The following HOMER1 variants were observed in gnomAD, a reference collection of about 807,000 sequenced individuals.
The protein encoded by HOMER1 is homer scaffold protein 1, also known as homer protein homolog 1.
In HOMER1, 3 loss-of-function variants were observed where a neutral mutation model predicts 48.9. The ratio of observed to expected loss-of-function variants is 0.06; its 90% CI spans 0.03 to 0.16. The LOEUF is 0.16. Among genes scored for constraint, HOMER1 ranks in the 10% least tolerant of loss-of-function variants. HOMER1 has a pLI of 1.00. For missense variants in HOMER1, 247 were observed against 411.4 expected (o/e 0.60, Z 3.46); for synonymous variants, 134 against 146.4 (o/e 0.92, Z 0.61).
At chr5:79,400,934 ATTTT>A (rs746813087) in intron 6 of HOMER1, among the ~76,000 whole-genome samples, 1 of 115,114 alleles carries the variant, frequency 8.7e-6, no homozygotes, top group South Asian at 3.0e-4. Flanking sequence ...AAGAAAAAAG[ATTTT>A]TTTTTTTTTT....
At chr5:79,408,845 G>A (rs1471991566) in intron 5 of HOMER1, among the ~76,000 whole-genome samples, 4 of 152,116 alleles carry the variant, frequency 2.6e-5, no homozygotes, top group Non-Finnish European at 5.9e-5. Flanking sequence ...CACTTTGGGA[G>A]GCCAACATGA....
At chr5:79,387,747 T>C (rs1013582573) in intron 8 of HOMER1, among the ~76,000 whole-genome samples, 1 of 152,166 alleles carries the variant, frequency 6.6e-6, no homozygotes, top group Admixed American at 6.5e-5. Context: ...ACTCTGGCTA[T>C]AAAGAGGTAA....
intron 1 of HOMER1, among the ~76,000 whole-genome samples, chr5:79,501,252 T>G (rs530274036): frequency 6.6e-6 from 1 of 152,322 alleles, no homozygotes; most frequent in East Asian, 1.9e-4. Flanking sequence ...ATTACAGGCG[T>G]GAGCCACCAC....
chr5:79,392,210 TA>T (rs1286864869), intron 8 of HOMER1, among the ~76,000 whole-genome samples: 1 of 152,170 alleles, frequency 6.6e-6, no homozygotes, highest in Non-Finnish European at 1.5e-5. Context: ...TCTACTTATT[TA>T]AAAAAACATT....
intron 5 of HOMER1, among the ~76,000 whole-genome samples, chr5:79,411,861 G>A (rs1749822063): frequency 6.6e-6 from 1 of 152,186 alleles, no homozygotes; most frequent in Non-Finnish European, 1.5e-5. Context: ...GCTCATGCCT[G>A]TAATCCCAGC....
At chr5:79,377,700 A>G (rs1056417624) in intron 8 of HOMER1, among the ~76,000 whole-genome samples, 3 of 152,324 alleles carry the variant, frequency 2.0e-5, no homozygotes, top group Middle Eastern at 3.4e-3. Context: ...CTGAAAGACA[A>G]TCTGGTAAAT....
intron 1 of HOMER1, among the ~76,000 whole-genome samples, chr5:79,466,206 A>G (rs762467647): frequency 6.6e-6 from 1 of 152,024 alleles, no homozygotes; most frequent in Non-Finnish European, 1.5e-5. Flanking sequence ...AGTATGCCTG[A>G]TAGATCACAT....
At chr5:79,393,583 G>T (rs2112209417) in intron 8 of HOMER1, among the ~76,000 whole-genome samples, 1 of 152,214 alleles carries the variant, frequency 6.6e-6, no homozygotes, top group South Asian at 2.1e-4. Flanking sequence ...CGGGTCCAGG[G>T]GGTACCAATA....
At chr5:79,384,529 T>C (rs1002036261) in intron 8 of HOMER1, among the ~76,000 whole-genome samples, 6 of 151,844 alleles carry the variant, frequency 4.0e-5, no homozygotes, top group Non-Finnish European at 7.4e-5. Flanking sequence ...CAAAGAAAAA[T>C]ACAAGGCCAG....
chr5:79,497,836 T>C (rs866567351), intron 1 of HOMER1, among the ~76,000 whole-genome samples: 1 of 152,112 alleles, frequency 6.6e-6, no homozygotes, highest in Non-Finnish European at 1.5e-5. Context: ...GCTTCACTTA[T>C]CAAATGCAGT....
chr5:79,387,666 C>A (rs1749152260), intron 8 of HOMER1, among the ~76,000 whole-genome samples: 1 of 152,064 alleles, frequency 6.6e-6, no homozygotes, highest in Non-Finnish European at 1.5e-5. Context: ...ATGTACTAGG[C>A]ATTGGGGATA....
At chr5:79,479,473 G>A (rs1366562007) in intron 1 of HOMER1, among the ~76,000 whole-genome samples, 1 of 152,168 alleles carries the variant, frequency 6.6e-6, no homozygotes, top group Non-Finnish European at 1.5e-5. Context: ...GATGAAGGAA[G>A]ATACAGATTT....
chr5:79,407,308 T>A (rs1481710036), intron 5 of HOMER1, among the ~76,000 whole-genome samples: 1 of 148,950 alleles, frequency 6.7e-6, no homozygotes, highest in Non-Finnish European at 1.5e-5. Flanking sequence ...ACAAGATGTA[T>A]CAAAAAGCAA....
chr5:79,492,795 AG>A (rs1361324339), intron 1 of HOMER1, among the ~76,000 whole-genome samples: 1 of 152,044 alleles, frequency 6.6e-6, no homozygotes, highest in Admixed American at 6.6e-5. Flanking sequence ...GGGGCCGCTA[AG>A]GGGGGAAAAA....
At chr5:79,380,658 G>T (rs190142542) in intron 8 of HOMER1, among the ~76,000 whole-genome samples, 112 of 152,278 alleles carry the variant, frequency 7.4e-4, no homozygotes, top group African/African-American at 2.6e-3. Flanking sequence ...CCATCAGGGG[G>T]CCTGAAAACT....
chr5:79,471,565 A>G (rs1411389779), intron 1 of HOMER1, among the ~76,000 whole-genome samples: 1 of 151,610 alleles, frequency 6.6e-6, no homozygotes, highest in Admixed American at 6.6e-5. Flanking sequence ...AAAAAAAAAA[A>G]AAAAAAAAGA....
chr5:79,397,431 CTT>C, intron 7 of HOMER1, 94 bp downstream of exon 7: 1 of 815,854 alleles, frequency 1.2e-6, no homozygotes. Flanking sequence ...CACAACCTGA[CTT>C]TATTCCATAA....
At chr5:79,485,057 T>G (rs758873120) in intron 1 of HOMER1, among the ~76,000 whole-genome samples, 4 of 150,770 alleles carry the variant, frequency 2.7e-5, no homozygotes, top group Non-Finnish European at 5.9e-5. Flanking sequence ...TAACCAATCT[T>G]GTTAGAACTG....
At chr5:79,440,442 C>A (rs2112277782) in intron 4 of HOMER1, among the ~76,000 whole-genome samples, 1 of 152,244 alleles carries the variant, frequency 6.6e-6, no homozygotes, top group South Asian at 2.1e-4. Flanking sequence ...TTCTTAATTC[C>A]ACATTATCAC....
Sources: gnomAD v4.1 joint callset for allele counts (sites outside exome capture counted in the v4.1 genomes callset) on GRCh38, gnomAD v4.1.1 for gene constraint, MANE v1.5 for transcripts, NCBI Gene and HGNC (gene_info 2026-07-23, HGNC 2026-07-21) for gene names.